ATRX: variants seen among roughly 807,000 people sequenced by gnomAD.
ATRX encodes chromatin remodeler ATRX.
A neutral mutation model predicts 172.6 loss-of-function variants in ATRX; 12 were observed. The ratio of observed to expected loss-of-function variants is 0.07; its 90% CI spans 0.04 to 0.11. The LOEUF (loss-of-function observed/expected upper bound fraction) is 0.11, where lower values mean the gene tolerates loss of function less well. Ranked by LOEUF, ATRX falls within the 10% of genes least tolerant of loss-of-function variation. The pLI, the probability that ATRX is intolerant of heterozygous loss-of-function variation, is 1.00. For missense variants in ATRX, 1,368 were observed against 1,767.4 expected (o/e 0.77, Z 4.05); for synonymous variants, 674 against 594.7 (o/e 1.13, Z -1.94).
chrX:77,776,345 G>A (rs969487394), intron 1 of ATRX, among the ~76,000 whole-genome samples: 2 of 101,293 alleles, frequency 2.0e-5, no homozygotes, highest in Non-Finnish European at 4.0e-5. Context: ...AAAGACATAA[G>A]TGCTTTATGC....
At position 77,681,816 on chromosome X, in the gene ATRX, T is replaced by C. The variant is rs1461556034; in HGVS notation, c.3440A>G (p.Lys1147Arg). 8.3e-7 allele frequency: 1 copy of C among 1,199,653 alleles called. No individual in the cohort carries two copies. Among genetic ancestry groups the C allele is most frequent in the Non-Finnish European group, 1.1e-6 (1 of 891,220 alleles). Reference sequence around the variant, plus strand: ...TGATGATGAGCCACTTTGTATTTCCTTAGTATTTCTCTTTGAACTTAAATT... The same window carrying C: ...TGATGATGAGCCACTTTGTATTTCCCTAGTATTTCTCTTTGAACTTAAATT... ...RRNLSSKRNT[K>R]EIQSGSSSSD... The change falls in exon 9 of 35, where the codon AAG (lysine) becomes AGG (arginine). Residue 1147 changes from lysine to arginine, a missense_variant. Transcript: ENST00000373344.
intron 30 of ATRX, among the ~76,000 whole-genome samples, chrX:77,550,567 G>A (rs1394775993): frequency 2.7e-5 from 3 of 111,486 alleles, no homozygotes; most frequent in African/African-American, 9.8e-5. Context: ...AGACAGGGAT[G>A]CCCTCTCTCA....
intron 29 of ATRX, among the ~76,000 whole-genome samples, chrX:77,558,348 G>C (rs942159836): frequency 5.5e-5 from 6 of 109,489 alleles, no homozygotes; most frequent in African/African-American, 1.6e-4. Flanking sequence ...AATAAGCAAG[G>C]ATCTACCAAA....
At chrX:77,717,749 T>C (rs1557166231) in intron 1 of ATRX, among the ~76,000 whole-genome samples, 1 of 111,579 alleles carries the variant, frequency 9.0e-6, no homozygotes. Context: ...ACTGAGGTCT[T>C]TCAATGTACT....
intron 10 of ATRX, among the ~76,000 whole-genome samples, chrX:77,671,147 C>CAAAAAAA (rs34939100): frequency 6.5e-5 from 1 of 15,297 alleles, no homozygotes; most frequent in African/African-American, 3.0e-4. Flanking sequence ...GACTCTGTCT[C>CAAAAAAA]AAAAAAAAAA....
chrX:77,780,412 C>T (rs781971895), intron 1 of ATRX, among the ~76,000 whole-genome samples: 6 of 110,292 alleles, frequency 5.4e-5, no homozygotes, highest in African/African-American at 2.0e-4. Context: ...CTGCAACCTC[C>T]GCCTCCTGGG....
chrX:77,725,411 C>T (rs1236828182), intron 1 of ATRX, among the ~76,000 whole-genome samples: 2 of 111,965 alleles, frequency 1.8e-5, no homozygotes, highest in Non-Finnish European at 3.8e-5. Context: ...GGAAAACTGG[C>T]TAGCCATATG....
intron 30 of ATRX, among the ~76,000 whole-genome samples, chrX:77,535,564 G>C (rs1292918192): frequency 3.6e-5 from 4 of 111,812 alleles, no homozygotes; most frequent in Non-Finnish European, 7.5e-5. Flanking sequence ...AGCTTTCCAA[G>C]TATAGCCTGA....
chrX:77,560,188 T>C (rs1310633342), intron 28 of ATRX, among the ~76,000 whole-genome samples: 1 of 111,382 alleles, frequency 9.0e-6, no homozygotes, highest in South Asian at 3.7e-4. Context: ...TTTAAAAATA[T>C]GTAAATATAT....
At chrX:77,777,068 T>C (rs1462479894) in intron 1 of ATRX, among the ~76,000 whole-genome samples, 3 of 108,682 alleles carry the variant, frequency 2.8e-5, no homozygotes, top group South Asian at 4.0e-4. Flanking sequence ...TGTATTCCAA[T>C]AGAACTTTAT....
At chrX:77,778,398 G>A (rs782572947) in intron 1 of ATRX, among the ~76,000 whole-genome samples, 1 of 104,574 alleles carries the variant, frequency 9.6e-6, no homozygotes, top group Non-Finnish European at 2.0e-5. Context: ...CTGGGTGACA[G>A]AGGAAGTCCC....
At chrX:77,582,765 GAC>G (rs1557074754) in intron 27 of ATRX, among the ~76,000 whole-genome samples, 1 of 111,685 alleles carries the variant, frequency 9.0e-6, no homozygotes, top group African/African-American at 3.3e-5. Flanking sequence ...TAAATTTCTA[GAC>G]ACACACAACC....
At chrX:77,566,752 A>T (rs1557064754) in intron 28 of ATRX, among the ~76,000 whole-genome samples, 3 of 110,304 alleles carry the variant, frequency 2.7e-5, no homozygotes, top group Non-Finnish European at 5.7e-5. Flanking sequence ...GACCCTGCTT[A>T]AAAAAAAAGG....
At chrX:77,658,973 T>C (rs2069707462) in intron 12 of ATRX, among the ~76,000 whole-genome samples, 1 of 112,055 alleles carries the variant, frequency 8.9e-6, no homozygotes, top group Non-Finnish European at 1.9e-5. Flanking sequence ...CTATTCCAGC[T>C]TTTTAAAAAA....
At chrX:77,766,104 C>T (rs1443692281) in intron 1 of ATRX, among the ~76,000 whole-genome samples, 62 of 109,839 alleles carry the variant, frequency 5.6e-4, no homozygotes, top group African/African-American at 1.6e-3. Context: ...TACACAGACA[C>T]GGCAACCATC....
At position 77,633,207 on chromosome X, in the gene ATRX, C is replaced by T; in HGVS notation, c.5134G>A (p.Gly1712Ser). 8.3e-7 allele frequency: 1 copy of T among 1,208,050 alleles called. No homozygotes were observed. Among genetic ancestry groups the T allele is most frequent in the Non-Finnish European group, 1.1e-6 (1 of 892,410 alleles). ...ATGTCACTGTCTATTAATACCTTAC[C>T]TGGATCAACCAAAGCTTTGTTAAAT... Reference protein sequence around the residue: ...EIFNKALVDPGPDFVVCDEGH... With the variant: ...EIFNKALVDPSPDFVVCDEGH... The change falls in exon 19 of 35, where the codon GGC becomes AGC. Residue 1712 changes from glycine (G) to serine (S), a missense_variant and splice_region_variant. Gly to Ser is a moderately conservative substitution (Grantham distance 56). This residue lies in a region of ATRX where 23 missense variants were observed against 143.8 expected (regional missense o/e 0.16). Coordinates refer to ENST00000373344, the MANE Select transcript of ATRX (RefSeq NM_000489.6).
At position 77,593,688 on chromosome X, in the gene ATRX, G is replaced by A. The variant is rs1557082286; in HGVS notation, c.6110+8C>T. 2 of 1,201,731 alleles carry A rather than the reference G, an allele frequency of 1.7e-6. No individual in the cohort carries two copies. Among genetic ancestry groups the A allele is most frequent in the Admixed American group, 4.4e-5 (2 of 45,939 alleles). On this transcript the variant is annotated splice_region_variant and intron_variant, in intron 26 of 34. Coordinates refer to ENST00000373344, the MANE Select transcript of ATRX (RefSeq NM_000489.6). ...TAATTTATATAATAAATATGGTAAA[G>A]CACTTACACTTTATCCCCAATTTCC...
At chrX:77,678,142 G>GTTGCAGTGAGCAGGGA (rs1465500440) in intron 9 of ATRX, among the ~76,000 whole-genome samples, 1 of 108,976 alleles carries the variant, frequency 9.2e-6, no homozygotes, top group Non-Finnish European at 1.9e-5. Context: ...GAAGGCAGAG[G>GTTGCAGTGAGCAGGGA]TTGCAGTGAG....
intron 1 of ATRX, among the ~76,000 whole-genome samples, chrX:77,785,263 G>T (rs2076693826): frequency 9.0e-6 from 1 of 110,914 alleles, no homozygotes; most frequent in Non-Finnish European, 1.9e-5. Flanking sequence ...CCAGAAAGTG[G>T]GGAAACACTT....
Sources: allele counts gnomAD v4.1 joint callset (sites outside exome capture counted in the v4.1 genomes callset), GRCh38; gene constraint gnomAD v4.1.1; regional missense constraint gnomAD v4.1.1; transcripts MANE v1.5; gene names NCBI Gene and HGNC (gene_info 2026-07-23, HGNC 2026-07-21).